TRIM24: variants seen among roughly 807,000 people sequenced by gnomAD.
TRIM24 encodes tripartite motif containing 24.
TRIM24 carries 29 observed loss-of-function variants against 123.9 expected under a neutral mutation model. The ratio of observed to expected loss-of-function variants is 0.23; its 90% CI spans 0.17 to 0.32. TRIM24 has a LOEUF of 0.32. Ranked by LOEUF, TRIM24 falls within the 10% of genes least tolerant of loss-of-function variation. TRIM24 has a pLI of 1.00. For missense variants in TRIM24, 932 were observed against 1,295.3 expected (o/e 0.72, Z 4.31); for synonymous variants, 456 against 461.1 (o/e 0.99, Z 0.14).
At chr7:138,498,305 G>C (rs985514595) in intron 1 of TRIM24, among the ~76,000 whole-genome samples, 3 of 151,818 alleles carry the variant, frequency 2.0e-5, no homozygotes, top group African/African-American at 7.3e-5. Context: ...GCTTACTGCA[G>C]CCTCTCCCTC....
chr7:138,483,895 GC>G (rs1795587844), intron 1 of TRIM24, among the ~76,000 whole-genome samples: 1 of 152,120 alleles, frequency 6.6e-6, no homozygotes, highest in African/African-American at 2.4e-5. Flanking sequence ...GTGCCTGGTC[GC>G]TTTGATAAAG....
chr7:138,527,453 G>T (rs1796633672), intron 5 of TRIM24, among the ~76,000 whole-genome samples: 1 of 152,086 alleles, frequency 6.6e-6, no homozygotes, highest in South Asian at 2.1e-4. Context: ...TTATGCATTT[G>T]ACCCCATGGC....
chr7:138,540,447 A>C (rs550777433), intron 7 of TRIM24, among the ~76,000 whole-genome samples: 12 of 152,322 alleles, frequency 7.9e-5, no homozygotes, highest in Non-Finnish European at 1.5e-4. Flanking sequence ...CAGCATCTTC[A>C]CCAGGAGTAA....
chr7:138,515,628 A>C (rs190143530), intron 3 of TRIM24, among the ~76,000 whole-genome samples: 1 of 152,272 alleles, frequency 6.6e-6, no homozygotes, highest in East Asian at 1.9e-4. Flanking sequence ...GGAGAAAAAA[A>C]TTGCTTTTTC....
chr7:138,489,469 T>C (rs1045100532), intron 1 of TRIM24, among the ~76,000 whole-genome samples: 1 of 152,206 alleles, frequency 6.6e-6, no homozygotes, highest in African/African-American at 2.4e-5. Context: ...TTGGCATGTT[T>C]TTGCAGTGGC....
chr7:138,521,127 G>A (rs563886289), intron 4 of TRIM24, among the ~76,000 whole-genome samples: 3 of 152,284 alleles, frequency 2.0e-5, no homozygotes, highest in South Asian at 2.1e-4. Flanking sequence ...GTTGAAAAAC[G>A]TTTCAGGCAA....
intron 1 of TRIM24, among the ~76,000 whole-genome samples, chr7:138,469,547 C>T (rs1366162379): frequency 1.3e-5 from 2 of 152,140 alleles, no homozygotes; most frequent in African/African-American, 4.8e-5. Context: ...GGTAATCCAC[C>T]TGCCTCAGCC....
At chr7:138,477,099 A>G (rs1795421374) in intron 1 of TRIM24, among the ~76,000 whole-genome samples, 2 of 152,140 alleles carry the variant, frequency 1.3e-5, no homozygotes, top group Admixed American at 1.3e-4. Context: ...CACTAAAAGG[A>G]TCTAAAGCAA....
At chr7:138,576,226 C>A in intron 12 of TRIM24, 147 bp from the exon 13 acceptor site, 1 of 721,476 alleles carries the variant, frequency 1.4e-6, no homozygotes, top group Non-Finnish European at 2.4e-6. Context: ...CTGTAACAGA[C>A]TGCTGAAAAT....
intron 1 of TRIM24, chr7:138,491,001 T>G: frequency 4.1e-6 from 1 of 245,782 alleles, no homozygotes; most frequent in Non-Finnish European, 8.0e-6. Context: ...GATGTCAACA[T>G]GAGCTTCAAT....
intron 9 of TRIM24, among the ~76,000 whole-genome samples, chr7:138,558,232 G>A (rs1360300722): frequency 6.6e-6 from 1 of 152,120 alleles, no homozygotes; most frequent in African/African-American, 2.4e-5. Flanking sequence ...CTAGGGTGGG[G>A]TGATTTGGAA....
chr7:138,498,108 C>T (rs1047549176), intron 1 of TRIM24, among the ~76,000 whole-genome samples: 1 of 152,166 alleles, frequency 6.6e-6, no homozygotes, highest in Non-Finnish European at 1.5e-5. Flanking sequence ...GCAACCTCTG[C>T]CTCCCAGGCT....
chr7:138,514,539 G>A (rs1208994319), intron 2 of TRIM24: 1 of 152,062 alleles, frequency 6.6e-6, no homozygotes, highest in Non-Finnish European at 1.5e-5. Context: ...TCTTGCTTGG[G>A]ACTTTTTGTA....
rs112741688 is a variant in TRIM24 at position 138,564,740 on chromosome 7, G to C, written c.1531-2741G>C. ...TTCCCTATCTGTGGTTCCTTTGGCT[G>C]GCCATCCGACACTAAAAGAGGGCCA... On this transcript the variant is annotated intron_variant, in intron 9 of 18. Transcript: ENST00000343526. 7.1e-3 allele frequency among the ~76,000 whole-genome samples: 1,088 copies of C among 152,242 alleles called. 13 individuals are homozygous for C. The highest frequency in any genetic ancestry group is 0.045 in the South Asian group (215 of 4,816).
At chr7:138,470,456 G>A (rs138570884) in intron 1 of TRIM24, among the ~76,000 whole-genome samples, 84 of 152,226 alleles carry the variant, frequency 5.5e-4, no homozygotes, top group Non-Finnish European at 7.4e-4. Context: ...TGTAAAAATA[G>A]GTTTATGGGT....
chr7:138,577,087 T>A (rs1186761967), intron 13 of TRIM24, among the ~76,000 whole-genome samples: 2 of 152,212 alleles, frequency 1.3e-5, no homozygotes, highest in African/African-American at 4.8e-5. Context: ...TGCTACTGAC[T>A]AGAGAAGGAA....
At chr7:138,520,887 C>A (rs1796491493) in intron 4 of TRIM24, among the ~76,000 whole-genome samples, 1 of 151,990 alleles carries the variant, frequency 6.6e-6, no homozygotes, top group African/African-American at 2.4e-5. Context: ...TAATTGCAGT[C>A]CAAGAAGGAT....
At chr7:138,476,972 T>C (rs1795416758) in intron 1 of TRIM24, among the ~76,000 whole-genome samples, 1 of 152,150 alleles carries the variant, frequency 6.6e-6, no homozygotes, top group Admixed American at 6.5e-5. Flanking sequence ...AAGATATGAA[T>C]ACTGCTGTGG....
chr7:138,556,394 C>T (rs1224155981), intron 9 of TRIM24: 1 of 151,954 alleles, frequency 6.6e-6, no homozygotes, highest in Non-Finnish European at 1.5e-5. Flanking sequence ...AAGCAGTTGA[C>T]CCAGGTGAGG....
Sources: gnomAD v4.1 joint callset for allele counts (sites outside exome capture counted in the v4.1 genomes callset) on GRCh38, gnomAD v4.1.1 for gene constraint, MANE v1.5 for transcripts, NCBI Gene and HGNC (gene_info 2026-07-23, HGNC 2026-07-21) for gene names.